OLFM2: variants seen among roughly 807,000 people sequenced by gnomAD.
OLFM2 encodes the protein noelin-2.
OLFM2 carries 20 observed loss-of-function variants against 43.9 expected under a neutral mutation model. The observed-to-expected ratio is 0.46, with a 90% CI of 0.32 to 0.66. OLFM2 has a LOEUF of 0.66. OLFM2 is among the 30% of genes least tolerant of loss of function. The pLI, the probability that OLFM2 is intolerant of heterozygous loss-of-function variation, is 0.04. For missense variants in OLFM2, 416 were observed against 643.6 expected, an observed-to-expected ratio of 0.65 and a Z score of 3.83; for synonymous variants, 268 against 278.6, an observed-to-expected ratio of 0.96 and a Z score of 0.38.
chr19:9,877,592 A>T (rs565073225), intron 1 of OLFM2, among the ~76,000 whole-genome samples: 2 of 152,080 alleles, frequency 1.3e-5, no homozygotes, highest in East Asian at 1.9e-4. Flanking sequence ...AAATAAAAAT[A>T]AAAAAAGTAA....
intron 1 of OLFM2, among the ~76,000 whole-genome samples, chr19:9,896,748 T>C (rs1365368847): frequency 1.3e-5 from 2 of 152,224 alleles, no homozygotes; most frequent in Non-Finnish European, 2.9e-5. Context: ...ACCAAGAATC[T>C]TTCCCTCAAA....
intron 1 of OLFM2, chr19:9,913,760 C>A: frequency 2.8e-6 from 2 of 716,458 alleles, no homozygotes; most frequent in Non-Finnish European, 3.4e-6. Flanking sequence ...GCAGGGGGTC[C>A]GGGACGGGGT....
At chr19:9,875,222 C>T (rs901391270) in intron 1 of OLFM2, among the ~76,000 whole-genome samples, 1 of 152,156 alleles carries the variant, frequency 6.6e-6, no homozygotes. Flanking sequence ...GAGAAGCAGC[C>T]GCATTTGCAT....
At chr19:9,864,964 A>G (rs1441820601) in intron 1 of OLFM2, among the ~76,000 whole-genome samples, 3 of 148,778 alleles carry the variant, frequency 2.0e-5, no homozygotes, top group Non-Finnish European at 4.5e-5. Context: ...GGTTTCCTTC[A>G]CCTCCTCTCT....
intron 1 of OLFM2, among the ~76,000 whole-genome samples, 164 bp downstream of exon 1, chr19:9,936,140 G>C (rs1030742377): frequency 2.7e-5 from 4 of 150,778 alleles, no homozygotes; most frequent in African/African-American, 7.3e-5. Flanking sequence ...TCCCAAGCCA[G>C]AGAGTGCACG....
chr19:9,912,624 G>C (rs1014219578), intron 1 of OLFM2, among the ~76,000 whole-genome samples: 1 of 151,908 alleles, frequency 6.6e-6, no homozygotes, highest in Non-Finnish European at 1.5e-5. Context: ...ACCACGGGGA[G>C]AACCCCACTG....
chr19:9,899,579 G>A (rs1379032184), intron 1 of OLFM2, among the ~76,000 whole-genome samples: 1 of 152,010 alleles, frequency 6.6e-6, no homozygotes, highest in Non-Finnish European at 1.5e-5. Context: ...TTGAGACAGA[G>A]TCTTGCTCTG....
intron 1 of OLFM2, among the ~76,000 whole-genome samples, chr19:9,925,292 G>A (rs2086446110): frequency 6.6e-6 from 1 of 152,102 alleles, no homozygotes; most frequent in African/African-American, 2.4e-5. Flanking sequence ...ATATTATTCA[G>A]TTGACAAAAA....
At chr19:9,932,958 C>A (rs533131795) in intron 1 of OLFM2, among the ~76,000 whole-genome samples, 1 of 152,268 alleles carries the variant, frequency 6.6e-6, no homozygotes, top group Admixed American at 6.5e-5. Flanking sequence ...ATCCAAACTT[C>A]TGCCCACAGC....
intron 1 of OLFM2, among the ~76,000 whole-genome samples, chr19:9,890,392 C>G (rs2046628431): frequency 6.6e-6 from 1 of 152,138 alleles, no homozygotes; most frequent in African/African-American, 2.4e-5. Context: ...GGCACTGTGG[C>G]CTCCTGCCCT....
At chr19:9,895,043 C>T (rs1002768994) in intron 1 of OLFM2, among the ~76,000 whole-genome samples, 3 of 152,270 alleles carry the variant, frequency 2.0e-5, no homozygotes, top group South Asian at 4.1e-4. Flanking sequence ...TCCCCACCCC[C>T]GGGCCAGTGG....
intron 1 of OLFM2, among the ~76,000 whole-genome samples, chr19:9,891,710 T>C (rs2145466155): frequency 6.6e-6 from 1 of 152,216 alleles, no homozygotes; most frequent in South Asian, 2.1e-4. Context: ...AACCCTCATG[T>C]ATCATGAGCA....
intron 1 of OLFM2, among the ~76,000 whole-genome samples, chr19:9,868,065 G>A (rs1392085016): frequency 7.0e-6 from 1 of 142,062 alleles, no homozygotes; most frequent in Non-Finnish European, 1.5e-5. Context: ...ACTAAACCAG[G>A]CTAATTTTTT....
intron 1 of OLFM2, among the ~76,000 whole-genome samples, chr19:9,889,058 TC>T (rs2046614970): frequency 6.9e-6 from 1 of 144,474 alleles, no homozygotes; most frequent in African/African-American, 2.6e-5. Flanking sequence ...AGAGCGAGAC[TC>T]CGTCTCAAAA....
At chr19:9,866,010 A>G (rs1568369338) in intron 1 of OLFM2, among the ~76,000 whole-genome samples, 1 of 152,142 alleles carries the variant, frequency 6.6e-6, no homozygotes, top group East Asian at 1.9e-4. Flanking sequence ...TGAAGCAAAT[A>G]AGCCATTTTC....
intron 1 of OLFM2, among the ~76,000 whole-genome samples, chr19:9,903,873 T>C (rs1023085278): frequency 6.6e-6 from 1 of 152,184 alleles, no homozygotes; most frequent in Non-Finnish European, 1.5e-5. Context: ...AATACTATCC[T>C]GGCATCACAC....
rs901958846 is a variant in OLFM2 at position 9,857,191 on chromosome 19, C to A, written c.580+72G>T. 1.4e-6 allele frequency: 2 copies of A among 1,411,430 alleles called. No homozygotes were observed. The highest frequency in any genetic ancestry group is 2.0e-6 in the Non-Finnish European group (2 of 1,001,736). 87.4% of individuals were successfully genotyped at this position (1,411,430 alleles called of 1,614,324 possible). On this transcript the variant is annotated intron_variant, in intron 4 of 5. Transcript: ENST00000264833. This position sits in a 1 kb window ranked among gnomAD's most constrained non-coding sequence, Gnocchi z 5.7. ...GTCAAAACTGTGTCCAGCTTCTAGG[C>A]ACAAACAGGTGATACTGGAGTTGGG... is the stretch of plus-strand genomic sequence containing the variant.
chr19:9,862,908 G>T (rs2145436963), intron 1 of OLFM2, among the ~76,000 whole-genome samples: 1 of 124,926 alleles, frequency 8.0e-6, no homozygotes, highest in East Asian at 2.1e-4. Flanking sequence ...CTGGCGGGGT[G>T]GGGGCAGCGA....
At chr19:9,913,389 G>T (rs538416898) in intron 1 of OLFM2, 2 of 689,422 alleles carry the variant, frequency 2.9e-6, no homozygotes, top group Admixed American at 5.8e-5. Context: ...GGTAGAGGGG[G>T]ACAGGTGGGG....
Sources: gnomAD v4.1 joint callset for allele counts (sites outside exome capture counted in the v4.1 genomes callset) on GRCh38, gnomAD v4.1.1 for gene constraint, Gnocchi (gnomAD v3.1) non-coding constraint, MANE v1.5 for transcripts, NCBI Gene and HGNC (gene_info 2026-07-23, HGNC 2026-07-21) for gene names.